BNC2: variants seen among roughly 807,000 people sequenced by gnomAD.
The protein encoded by BNC2 is zinc finger protein basonuclin-2.
BNC2 carries 20 observed loss-of-function variants against 76.3 expected under a neutral mutation model. The observed-to-expected ratio is 0.26, with a 90% CI of 0.18 to 0.38. BNC2 has a LOEUF of 0.38. Among genes scored for constraint, BNC2 ranks in the 10% least tolerant of loss-of-function variants. The pLI, the probability that BNC2 is intolerant of heterozygous loss-of-function variation, is 1.00. For synonymous variants in BNC2, 582 were observed against 514.8 expected (o/e 1.13, Z -1.77); for missense variants, 1,382 against 1,399.8 (o/e 0.99, Z 0.20).
intron 3 of BNC2, among the ~76,000 whole-genome samples, chr9:16,692,410 C>G (rs1823199994): frequency 6.6e-6 from 1 of 152,122 alleles, no homozygotes; most frequent in Non-Finnish European, 1.5e-5. Context: ...TAAAGTTGCT[C>G]AGTTACGTAT....
chr9:16,451,625 C>A (rs1386987075), intron 5 of BNC2, among the ~76,000 whole-genome samples: 4 of 152,192 alleles, frequency 2.6e-5, no homozygotes, highest in Non-Finnish European at 5.9e-5. Context: ...TACCTCTGCA[C>A]CCCTCTGCCT....
At chr9:16,572,446 G>A (rs1236722303) in intron 4 of BNC2, among the ~76,000 whole-genome samples, 1 of 152,196 alleles carries the variant, frequency 6.6e-6, no homozygotes, top group African/African-American at 2.4e-5. Flanking sequence ...GAATCTGAGT[G>A]AGACTTTTCC....
intron 4 of BNC2, among the ~76,000 whole-genome samples, chr9:16,562,019 C>CA (rs1037053016): frequency 1.5e-4 from 22 of 151,490 alleles, no homozygotes; most frequent in South Asian, 6.3e-4. Context: ...AATAAACAAA[C>CA]AAAAAAAACA....
At chr9:16,752,312 T>G (rs543580685) in intron 1 of BNC2, among the ~76,000 whole-genome samples, 1 of 152,216 alleles carries the variant, frequency 6.6e-6, no homozygotes, top group Non-Finnish European at 1.5e-5. Context: ...CCTTTTTAGA[T>G]AGTCCAAAGC....
intron 1 of BNC2, among the ~76,000 whole-genome samples, chr9:16,757,600 TAAC>T (rs748941225): frequency 2.6e-5 from 4 of 152,112 alleles, no homozygotes; most frequent in Non-Finnish European, 4.4e-5. Flanking sequence ...ACTCCATTGT[TAAC>T]AACAACATTA....
intron 3 of BNC2, among the ~76,000 whole-genome samples, chr9:16,593,309 G>A (rs1819982469): frequency 6.6e-6 from 1 of 152,054 alleles, no homozygotes; most frequent in African/African-American, 2.4e-5. Flanking sequence ...TACAAACAGG[G>A]AGAAAGGGAC....
At chr9:16,485,126 ACAC>A (rs1822137247) in intron 5 of BNC2, among the ~76,000 whole-genome samples, 1 of 105,158 alleles carries the variant, frequency 9.5e-6, no homozygotes, top group African/African-American at 2.9e-5. Flanking sequence ...ACACACACAC[ACAC>A]ACTATTTCTA....
intron 3 of BNC2, among the ~76,000 whole-genome samples, chr9:16,656,119 G>A (rs1821922658): frequency 6.6e-6 from 1 of 152,188 alleles, no homozygotes; most frequent in African/African-American, 2.4e-5. Context: ...TCAAGAAGCT[G>A]CTGAATATCC....
At chr9:16,616,209 A>G (rs1307795786) in intron 3 of BNC2, among the ~76,000 whole-genome samples, 2 of 152,042 alleles carry the variant, frequency 1.3e-5, no homozygotes, top group Non-Finnish European at 2.9e-5. Context: ...CAACAAAGTA[A>G]GACACTGTCT....
chr9:16,455,302 G>C (rs1249813378), intron 5 of BNC2, among the ~76,000 whole-genome samples: 1 of 152,050 alleles, frequency 6.6e-6, no homozygotes, highest in Admixed American at 6.6e-5. Flanking sequence ...CAGAAGACTT[G>C]GTAAGACTAA....
chr9:16,635,907 G>GT (rs1313218728), intron 3 of BNC2, among the ~76,000 whole-genome samples: 1 of 152,200 alleles, frequency 6.6e-6, no homozygotes, highest in African/African-American at 2.4e-5. Context: ...TAGGATGGTG[G>GT]TGAGGGCAGG....
At chr9:16,861,060 G>A (rs1045247767) in intron 1 of BNC2, among the ~76,000 whole-genome samples, 5 of 150,294 alleles carry the variant, frequency 3.3e-5, no homozygotes, top group South Asian at 2.1e-4. Flanking sequence ...AGACAGCTGC[G>A]CACAGTCACA....
chr9:16,657,798 T>C (rs10756773), intron 3 of BNC2, among the ~76,000 whole-genome samples: 68,864 of 152,084 alleles, frequency 0.45, 18,591 homozygotes, highest in East Asian at 0.69. Flanking sequence ...TGACATTACA[T>C]CATATCAATA....
chr9:16,508,173 C>T (rs1822673365), intron 5 of BNC2, among the ~76,000 whole-genome samples: 1 of 152,210 alleles, frequency 6.6e-6, no homozygotes, highest in South Asian at 2.1e-4. Context: ...CATAATTCAA[C>T]ACACTAACAA....
At chr9:16,437,811 G>A (rs1472169405) in intron 5 of BNC2, among the ~76,000 whole-genome samples, 1 of 152,116 alleles carries the variant, frequency 6.6e-6, no homozygotes, top group Non-Finnish European at 1.5e-5. Context: ...CTTCAGTACT[G>A]CTTTTTTAAC....
chr9:16,698,429 G>A (rs776736368), intron 3 of BNC2, among the ~76,000 whole-genome samples: 2 of 152,164 alleles, frequency 1.3e-5, no homozygotes, highest in South Asian at 2.1e-4. Context: ...GGTGGCTCAC[G>A]CCTGTAATCC....
chr9:16,796,898 T>G (rs1391935532), intron 1 of BNC2, among the ~76,000 whole-genome samples: 1 of 152,186 alleles, frequency 6.6e-6, no homozygotes, highest in Non-Finnish European at 1.5e-5. Flanking sequence ...TACTGTCAAA[T>G]TTTCCTTAAA....
chr9:16,686,896 C>T (rs538190511), intron 3 of BNC2, among the ~76,000 whole-genome samples: 12 of 152,298 alleles, frequency 7.9e-5, no homozygotes, highest in African/African-American at 2.9e-4. Context: ...CTTTACTAGG[C>T]TCATAAGGTG....
intron 3 of BNC2, among the ~76,000 whole-genome samples, chr9:16,700,593 G>A (rs1009026485): frequency 1.4e-4 from 21 of 152,274 alleles, no homozygotes; most frequent in African/African-American, 3.4e-4. Flanking sequence ...CTATAGGTGC[G>A]TGCCAGCAAC....
Sources: allele counts gnomAD v4.1 joint callset (sites outside exome capture counted in the v4.1 genomes callset), GRCh38; gene constraint gnomAD v4.1.1; transcripts MANE v1.5; gene names NCBI Gene and HGNC (gene_info 2026-07-23, HGNC 2026-07-21).